The following CNR2 variants were observed in gnomAD, a reference collection of about 807,000 sequenced individuals.
CNR2 encodes the protein cannabinoid receptor 2, also known as cannabinoid receptor 2 (macrophage).
For synonymous variants in CNR2, 172 were observed against 182.2 expected, an observed-to-expected ratio of 0.94 and a Z score of 0.45; for missense variants, 379 against 439.9, an observed-to-expected ratio of 0.86 and a Z score of 1.24.
At chr1:23,883,337 C>G (rs572798589) in intron 1 of CNR2, among the ~76,000 whole-genome samples, 1 of 152,144 alleles carries the variant, frequency 6.6e-6, no homozygotes, top group Non-Finnish European at 1.5e-5. Context: ...ATTGCAGTCC[C>G]GGGAATACGT....
intron 1 of CNR2, among the ~76,000 whole-genome samples, chr1:23,904,690 C>T (rs1294211464): frequency 1.3e-5 from 2 of 152,076 alleles, no homozygotes; most frequent in Non-Finnish European, 2.9e-5. Context: ...TTGTTAAAAT[C>T]ACACCTGGAA....
At chr1:23,903,079 G>GGGCGGCGGCGGC (rs57812017) in intron 1 of CNR2, among the ~76,000 whole-genome samples, 2 of 150,574 alleles carry the variant, frequency 1.3e-5, no homozygotes, top group African/African-American at 2.4e-5. Context: ...CACCATTCAT[G>GGGCGGCGGCGGC]GGCGGCGGCG....
intron 1 of CNR2, among the ~76,000 whole-genome samples, chr1:23,901,285 C>T (rs1237822215): frequency 2.0e-5 from 3 of 152,124 alleles, no homozygotes; most frequent in Admixed American, 6.6e-5. Flanking sequence ...CCAGAGATGC[C>T]TAAGACTCCA....
chr1:23,898,238 C>G (rs1241162312), intron 1 of CNR2, among the ~76,000 whole-genome samples: 2 of 151,216 alleles, frequency 1.3e-5, no homozygotes, highest in Non-Finnish European at 1.5e-5. Flanking sequence ...AGGGTTTCAC[C>G]ATGTTAGCCA....
At chr1:23,910,654 C>CAAAAAAAAAAAAAAAAAAAAAAAAAAAAA (rs34083515) in intron 1 of CNR2, among the ~76,000 whole-genome samples, 1 of 32,198 alleles carries the variant, frequency 3.1e-5, no homozygotes, top group Non-Finnish European at 4.8e-5. Flanking sequence ...AACGCTGTCT[C>CAAAAAAAAAAAAAAAAAAAAAAAAAAAAA]AAAAAAAAAA....
At position 23,910,654 on chromosome 1, in the gene CNR2, C is replaced by CAAA. The variant is rs34083515; in HGVS notation, c.-46+2589_-46+2591dup. 8.0e-3 allele frequency among the ~76,000 whole-genome samples: 251 copies of CAAA among 31,512 alleles called. 12 individuals are homozygous for CAAA. The highest frequency in any genetic ancestry group is 0.031 in the Middle Eastern group (1 of 32). The allele number at this position is 31,512 out of a possible 152,430, so 20.7% of individuals were successfully genotyped here. Reference sequence around the variant, plus strand: ...GGGCAACAAGAGCAAAACGCTGTCTCAAAAAAAAAAAAAAAAAAAAAAAAA... The same window carrying CAAA: ...GGGCAACAAGAGCAAAACGCTGTCTCAAAAAAAAAAAAAAAAAAAAAAAAAAAA... On this transcript the variant is annotated intron_variant, in intron 1 of 1. Transcript: ENST00000374472.
chr1:23,883,228 C>T (rs1253149258), intron 1 of CNR2, among the ~76,000 whole-genome samples: 2 of 152,182 alleles, frequency 1.3e-5, no homozygotes, highest in African/African-American at 2.4e-5. Flanking sequence ...CTGGAGAAGG[C>T]GTGGAGCCAA....
chr1:23,872,903 T>C lies in CNR2; in HGVS notation c.*1632A>G, dbSNP rs1639787597. The C allele has an allele frequency of 6.6e-6, 1 of 152,178 alleles. No individual in the cohort carries two copies. The highest frequency in any genetic ancestry group is 1.5e-5 in the Non-Finnish European group (1 of 68,042). 9.4% of individuals were successfully genotyped at this position (152,178 alleles called of 1,614,324 possible). ...GTAATTATCTTCTTTATTGACTTATTGGCTGTCTTGCAAGCAGGATATAGA... is the reference window on the plus strand; with the variant it reads ...GTAATTATCTTCTTTATTGACTTATCGGCTGTCTTGCAAGCAGGATATAGA... On this transcript the variant is annotated 3_prime_UTR_variant, in exon 2 of 2. Coordinates refer to ENST00000374472, the MANE Select transcript of CNR2 (RefSeq NM_001841.3).
At position 23,873,701 on chromosome 1, in the gene CNR2, G is replaced by A. The variant is rs1467692197; in HGVS notation, c.*834C>T. On this transcript the variant is annotated 3_prime_UTR_variant, in exon 2 of 2. Transcript: ENST00000374472. ...AGGCAAGGGAGCTGAATTGGGGGCA[G>A]ATAGGGGAACAGTTTGGAGATTTAT... 2 of 152,236 alleles carry A rather than the reference G, an allele frequency of 1.3e-5. No individual in the cohort carries two copies. The highest frequency in any genetic ancestry group is 3.8e-4 in the East Asian group (2 of 5,200). 9.4% of individuals were successfully genotyped at this position (152,236 alleles called of 1,614,324 possible).
chr1:23,886,039 T>C (rs1034249035), intron 1 of CNR2, among the ~76,000 whole-genome samples: 1 of 149,090 alleles, frequency 6.7e-6, no homozygotes, highest in Non-Finnish European at 1.5e-5. Context: ...AATACAAAAA[T>C]TAGCTGGGTG....
chr1:23,908,968 C>T (rs948666283), intron 1 of CNR2, among the ~76,000 whole-genome samples: 6 of 152,044 alleles, frequency 3.9e-5, no homozygotes, highest in African/African-American at 7.3e-5. Flanking sequence ...CTGCCTTTGA[C>T]TCACTGTATG....
rs369792159 is a variant in CNR2 at position 23,873,643 on chromosome 1, C to T, written c.*892G>A. 2.0e-4 allele frequency: 31 copies of T among 152,356 alleles called. No individual in the cohort carries two copies. In the East Asian group the frequency reaches 3.3e-3, roughly 16 times the overall value. 9.4% of individuals were successfully genotyped at this position (152,356 alleles called of 1,614,324 possible). A position where few individuals can be genotyped will look rare whatever the true frequency, so the allele number is the denominator to read the frequency against. ...AGGACATTTCCCCTCCTCCCACTTGCTCTGCTTATTATATGTAATAGGGGT... is the reference window on the plus strand; with the variant it reads ...AGGACATTTCCCCTCCTCCCACTTGTTCTGCTTATTATATGTAATAGGGGT... On this transcript the variant is annotated 3_prime_UTR_variant, in exon 2 of 2. Transcript: ENST00000374472.
At chr1:23,901,740 C>A (rs1640403042) in intron 1 of CNR2, 4 of 1,421,860 alleles carry the variant, frequency 2.8e-6, no homozygotes, top group Non-Finnish European at 4.0e-6. Flanking sequence ...TGAGCCAGAA[C>A]TACCCCAAGC....
At chr1:23,901,138 G>A (rs144546023) in intron 1 of CNR2, among the ~76,000 whole-genome samples, 4 of 152,166 alleles carry the variant, frequency 2.6e-5, no homozygotes, top group Non-Finnish European at 4.4e-5. Context: ...AGTTAAGCTT[G>A]GAACCACTTA....
chr1:23,900,185 G>A (rs191003317), intron 1 of CNR2, among the ~76,000 whole-genome samples: 78 of 151,986 alleles, frequency 5.1e-4, no homozygotes, highest in Admixed American at 2.2e-3. Context: ...CTGACTCAGC[G>A]CAAGAGGACA....
At chr1:23,891,619 C>CAAAAAA (rs771509283) in intron 1 of CNR2, among the ~76,000 whole-genome samples, 1 of 31,246 alleles carries the variant, frequency 3.2e-5, no homozygotes, top group African/African-American at 1.5e-4. Flanking sequence ...AACTCCATCT[C>CAAAAAA]AAAAAAAAAA....
intron 1 of CNR2, among the ~76,000 whole-genome samples, chr1:23,909,833 G>GAAATACCCT (rs1640554919): frequency 1.3e-5 from 2 of 152,044 alleles, no homozygotes; most frequent in Admixed American, 1.3e-4. Context: ...CATACCTAGA[G>GAAATACCCT]GCATTTCCAC....
chr1:23,888,708 C>T (rs1437129866), intron 1 of CNR2, among the ~76,000 whole-genome samples: 1 of 152,120 alleles, frequency 6.6e-6, no homozygotes, highest in Admixed American at 6.6e-5. Context: ...CGGTGGCTCA[C>T]GCCTGTAATC....
At chr1:23,892,619 G>A (rs1373335508) in intron 1 of CNR2, among the ~76,000 whole-genome samples, 1 of 152,172 alleles carries the variant, frequency 6.6e-6, no homozygotes, top group African/African-American at 2.4e-5. Context: ...GCCATTCAAG[G>A]TCGGTTCTTG....
Sources: gnomAD v4.1 joint callset for allele counts (sites outside exome capture counted in the v4.1 genomes callset) on GRCh38, gnomAD v4.1.1 for gene constraint, MANE v1.5 for transcripts, NCBI Gene and HGNC (gene_info 2026-07-23, HGNC 2026-07-21) for gene names.